The following ACCS variants were observed in gnomAD, a reference collection of about 807,000 sequenced individuals.
ACCS encodes the protein 1-aminocyclopropane-1-carboxylate synthase homolog (inactive), also known as 1-aminocyclopropane-1-carboxylate synthase-like protein 1.
Under a neutral mutation model 59.8 loss-of-function variants are expected in ACCS, and 42 were observed. That is an observed-to-expected ratio of 0.70 (90% confidence interval 0.55 to 0.91). ACCS has a LOEUF of 0.91. Among genes scored for constraint, ACCS ranks in the 40% least tolerant of loss-of-function variants. The pLI is 0.00. For missense variants in ACCS, 602 were observed against 630.4 expected, an observed-to-expected ratio of 0.95 and a Z score of 0.48; for synonymous variants, 230 against 240.3, an observed-to-expected ratio of 0.96 and a Z score of 0.40.
At chr11:44,073,353 T>C (rs1590472105) in intron 3 of ACCS, 94 bp from the exon 4 acceptor site, 1 of 1,010,242 alleles carries the variant, frequency 9.9e-7, no homozygotes, top group Non-Finnish European at 1.5e-6. Context: ...GTTTCTCTGA[T>C]GAGCAGAACA....
chr11:44,077,543 C>T, intron 7 of ACCS, 167 bp downstream of exon 7: 5 of 1,448,766 alleles, frequency 3.5e-6, no homozygotes, highest in Non-Finnish European at 4.5e-6. Flanking sequence ...CCCAGTGGCT[C>T]CAAAGTTCCA....
intron 3 of ACCS, chr11:44,072,406 T>G (rs954386503): frequency 3.3e-5 from 5 of 152,110 alleles, no homozygotes; most frequent in Non-Finnish European, 7.3e-5. Flanking sequence ...TTCGCCCGCC[T>G]TGGCCTCCCA....
In ACCS at chr11:44,074,656, G is replaced by C; in HGVS notation, c.464G>C (p.Ser155Thr). 1 of 1,613,374 alleles carries C rather than the reference G, an allele frequency of 6.2e-7. No homozygotes were observed. Among genetic ancestry groups the C allele is most frequent in the East Asian group, 2.2e-5 (1 of 44,836 alleles). The change falls in exon 5 of 15, where the codon AGC becomes ACC. Residue 155 changes from serine (S) to threonine (T), a missense_variant. By Grantham distance (58) the Ser-to-Thr change is moderately conservative (BLOSUM62 1). Coordinates refer to ENST00000263776, the MANE Select transcript of ACCS (RefSeq NM_032592.4). ...VAKFLSFYCK[S>T]PVPLRPENVV... ...AAGTTCCTGTCTTTCTACTGCAAGAGCCCAGTACCCCTCAGACCAGAGAAT... is the reference window on the plus strand; with the variant it reads ...AAGTTCCTGTCTTTCTACTGCAAGACCCCAGTACCCCTCAGACCAGAGAAT...
In ACCS at chr11:44,071,122, G is replaced by T. The variant is rs963013626; in HGVS notation, c.289-134G>T. The stretch of plus-strand genomic sequence containing the variant: ...GAGCAGAAGGCACACCTTGAGCAAA[G>T]GCAAGGAGGGATGTTTGAAAGGGTG... On this transcript the variant is annotated intron_variant, in intron 2 of 14. Transcript: ENST00000263776. 3.4e-6 allele frequency: 3 copies of T among 891,584 alleles called. No homozygotes were observed. The African/African-American group carries it at 4.9e-5, about 15-fold the overall frequency. 55.2% of individuals were successfully genotyped at this position (891,584 alleles called of 1,614,324 possible). A position where few individuals can be genotyped will look rare whatever the true frequency, so the allele number is the denominator to read the frequency against.
At chr11:44,074,734 C>CTCTTTCTTTCTTTCTTTCTTTCTTTCTT (rs202091203) in intron 5 of ACCS, 53 bp downstream of exon 5, 12,158 of 547,016 alleles carry the variant, frequency 0.022, 2,393 homozygotes, top group African/African-American at 0.063. Flanking sequence ...CCCTCTCCAT[C>CTCTTTCTTTCTTTCTTTCTTTCTTTCTT]TCTTTCTTTC....
At chr11:44,068,059 C>A in intron 2 of ACCS, 144 bp downstream of exon 2, 2 of 873,772 alleles carry the variant, frequency 2.3e-6, no homozygotes, top group South Asian at 3.7e-5. Flanking sequence ...TCTGATGTAG[C>A]TTAGAGAGGC....
At position 44,071,331 on chromosome 11, in the gene ACCS, C is replaced by G; in HGVS notation, c.348+16C>G. On this transcript the variant is annotated intron_variant, in intron 3 of 14. Transcript: ENST00000263776. ...GTCCTGGCGGGTAAGTCCTAGGGCCCCTCTAGGGGGCATCACCAGCTCCGA... is the reference window on the plus strand; with the variant it reads ...GTCCTGGCGGGTAAGTCCTAGGGCCGCTCTAGGGGGCATCACCAGCTCCGA... 1 of 1,612,760 alleles carries G rather than the reference C, an allele frequency of 6.2e-7. No homozygotes were observed. Among genetic ancestry groups the G allele is most frequent in the Non-Finnish European group, 8.5e-7 (1 of 1,178,940 alleles).
At chr11:44,077,710 A>G in intron 7 of ACCS, 135 bp from the exon 8 acceptor site, 1 of 1,464,098 alleles carries the variant, frequency 6.8e-7, no homozygotes, top group Non-Finnish European at 9.0e-7. Context: ...AGAGGGAGGG[A>G]CCCCACCTGC....
In ACCS at chr11:44,067,744, A is replaced by G; in HGVS notation, c.117A>G (p.Lys39=). ...ATCTGGAAGGAGAATGCTCCAGAAAACTGGACCAGAAGCTGCCAGAGCTCC... is the reference window on the plus strand; with the variant it reads ...ATCTGGAAGGAGAATGCTCCAGAAAGCTGGACCAGAAGCTGCCAGAGCTCC... ...GEDLEGECSR[K]LDQKLPELRG... Residue 39 remains lysine, a synonymous_variant, in exon 2 of 15, where the codon AAA becomes AAG. Transcript: ENST00000263776. 2 of 1,614,178 alleles carry G rather than the reference A, an allele frequency of 1.2e-6. No homozygotes were observed. Among genetic ancestry groups the G allele is most frequent in the Non-Finnish European group, 1.7e-6 (2 of 1,180,030 alleles).
At chr11:44,081,420 G>T in intron 12 of ACCS, 100 bp downstream of exon 12, 1 of 1,520,290 alleles carries the variant, frequency 6.6e-7, no homozygotes, top group South Asian at 1.3e-5. Context: ...GAATAATTTA[G>T]GGTAATGTTT....
At chr11:44,075,482 C>T (rs1843851377) in intron 5 of ACCS, 44 bp from the exon 6 acceptor site, 1 of 1,604,206 alleles carries the variant, frequency 6.2e-7, no homozygotes, top group Non-Finnish European at 8.5e-7. Flanking sequence ...CGTGCACACT[C>T]CTGGAACTGG....
Position 44,073,479 on chromosome 11 carries a change from A to AT in ACCS, c.382dup (p.Ser128PhefsTer7). ...AGCGCGACATGCAGAGGGTGGAGCCATCCCTGCTGCAGTATGCTGACTGGA... is the reference window on the plus strand; with the variant it reads ...AGCGCGACATGCAGAGGGTGGAGCCATTCCCTGCTGCAGTATGCTGACTGGA... On this transcript the variant is annotated frameshift_variant, in exon 4 of 15. Coordinates refer to ENST00000263776, the MANE Select transcript of ACCS (RefSeq NM_032592.4). LOFTEE classifies it high-confidence loss of function. The AT allele has an allele frequency of 6.2e-7, 1 of 1,609,438 alleles. No individual in the cohort carries two copies. The highest frequency in any genetic ancestry group is 8.5e-7 in the Non-Finnish European group (1 of 1,178,160).
chr11:44,079,512 C>A lies in ACCS; in HGVS notation c.834-19C>A. 6.3e-7 allele frequency: 1 copy of A among 1,599,910 alleles called. No homozygotes were observed. The highest frequency in any genetic ancestry group is 8.5e-7 in the Non-Finnish European group (1 of 1,172,742). On this transcript the variant is annotated intron_variant, in intron 9 of 14. Transcript: ENST00000263776. ...CCCTACACACTAAGTCTCTCCTCCC[C>A]ACCCCTGCCTCACTCCAGGCACAGG...
intron 3 of ACCS, 51 bp downstream of exon 3, chr11:44,071,366 T>G (rs1453739174): frequency 1.3e-6 from 2 of 1,588,612 alleles, no homozygotes; most frequent in East Asian, 4.5e-5. Flanking sequence ...AGGAGCTGTC[T>G]TCCCTGGAAT....
At position 44,083,045 on chromosome 11, in the gene ACCS, G is replaced by A. The variant is rs1405806279; in HGVS notation, c.1112-124G>A. On this transcript the variant is annotated intron_variant, in intron 12 of 14. Transcript: ENST00000263776. The stretch of plus-strand genomic sequence containing the variant: ...GTAATCCTTCCCACCACAGCAGCCA[G>A]CTAGAGGAGGGACTCAACAGCATCC... 4.7e-6 allele frequency: 6 copies of A among 1,282,050 alleles called. No homozygotes were observed. The Admixed American group carries it at 1.2e-4, about 25-fold the overall frequency. 79.4% of individuals were successfully genotyped at this position (1,282,050 alleles called of 1,614,324 possible).
At chr11:44,079,004 G>T in intron 9 of ACCS, 2 of 546,358 alleles carry the variant, frequency 3.7e-6, no homozygotes, top group Non-Finnish European at 6.6e-6. Flanking sequence ...GCACACTCTA[G>T]GGGCCAGGCA....
At chr11:44,068,489 C>T (rs935727453) in intron 2 of ACCS, among the ~76,000 whole-genome samples, 1 of 152,054 alleles carries the variant, frequency 6.6e-6, no homozygotes, top group Admixed American at 6.5e-5. Context: ...CTTGTGGTCC[C>T]AGCTACTGGG....
rs935170661 is a variant in ACCS, at chr11:44,073,592, T to C, written c.419+75T>C. On this transcript the variant is annotated intron_variant, in intron 4 of 14. Transcript: ENST00000263776. ...TGTTGGGAGACATTTTTGGTTGTTA[T>C]AACTGGGAAGTCAGGTGCTCCTGGC... The C allele has an allele frequency of 3.4e-6, 5 of 1,463,094 alleles. No homozygotes were observed. The South Asian group carries it at 5.3e-5, about 15-fold the overall frequency. 90.6% of individuals were successfully genotyped at this position (1,463,094 alleles called of 1,614,324 possible). A position where few individuals can be genotyped will look rare whatever the true frequency, so the allele number is the denominator to read the frequency against.
intron 5 of ACCS, 111 bp from the exon 6 acceptor site, chr11:44,075,415 G>A (rs12803238): frequency 1.8e-6 from 2 of 1,121,078 alleles, no homozygotes; most frequent in East Asian, 2.4e-5. Context: ...AGAGCCTCAG[G>A]TGGCACCAAG....
Sources: allele counts gnomAD v4.1 joint callset (sites outside exome capture counted in the v4.1 genomes callset), GRCh38; gene constraint gnomAD v4.1.1; transcripts MANE v1.5; gene names NCBI Gene and HGNC (gene_info 2026-07-23, HGNC 2026-07-21).